Variants in TMCC3 observed in about 807,000 individuals in gnomAD.
The protein encoded by TMCC3 is transmembrane and coiled-coil domain family 3, also known as transmembrane and coiled-coil domain protein 3.
In TMCC3, 28 loss-of-function variants were observed where a neutral mutation model predicts 40.2. The observed-to-expected ratio is 0.70, with a 90% CI of 0.52 to 0.95. The LOEUF (loss-of-function observed/expected upper bound fraction) is 0.95. TMCC3 is among the 40% of genes least tolerant of loss of function. The probability of loss-of-function intolerance (pLI) is 0.00; values close to 1 mark genes in which losing one functional copy is unlikely to be tolerated. For missense variants in TMCC3, 554 were observed against 615.2 expected, an observed-to-expected ratio of 0.90 and a Z score of 1.05; for synonymous variants, 255 against 248.5, an observed-to-expected ratio of 1.03 and a Z score of -0.25.
rs1275911050 is a variant in TMCC3, at chr12:94,582,320, T to TA, written c.296dup (p.Val100SerfsTer17). 1 of 1,614,082 alleles carries TA rather than the reference T, an allele frequency of 6.2e-7. No individual in the cohort carries two copies. Among genetic ancestry groups the TA allele is most frequent in the South Asian group, 1.1e-5 (1 of 91,080 alleles). On this transcript the variant is annotated frameshift_variant, in exon 2 of 4. Coordinates refer to ENST00000261226, the MANE Select transcript of TMCC3 (RefSeq NM_020698.4). LOFTEE classifies it high-confidence loss of function. The stretch of plus-strand genomic sequence containing the variant: ...CCTGCTGCTTGTCTGCGTTGTTCAC[T>TA]AGTTTCAGATACTCCGCAACATTCC...
At chr12:94,585,351 A>G (rs922351757) in intron 1 of TMCC3, among the ~76,000 whole-genome samples, 3 of 152,132 alleles carry the variant, frequency 2.0e-5, no homozygotes, top group African/African-American at 7.2e-5. Flanking sequence ...GATATTCACA[A>G]TGCCTGCCAC....
chr12:94,644,505 T>G (rs934594957), intron 1 of TMCC3: 3 of 914,774 alleles, frequency 3.3e-6, no homozygotes, highest in Non-Finnish European at 3.9e-6. Flanking sequence ...GACAGGCGGG[T>G]GAGCTGGTGG....
intron 2 of TMCC3, among the ~76,000 whole-genome samples, chr12:94,581,303 C>G (rs1421339127): frequency 1.3e-5 from 2 of 152,080 alleles, no homozygotes; most frequent in Non-Finnish European, 2.9e-5. Flanking sequence ...TGCTGACACT[C>G]CAAAAGTTTC....
intron 1 of TMCC3, among the ~76,000 whole-genome samples, chr12:94,633,145 T>C (rs1379046570): frequency 6.6e-6 from 1 of 152,038 alleles, no homozygotes; most frequent in African/African-American, 2.4e-5. Context: ...AAAAATTGTA[T>C]TTACAAGAGA....
intron 1 of TMCC3, among the ~76,000 whole-genome samples, chr12:94,636,639 T>C (rs2651977): frequency 0.56 from 84,560 of 152,126 alleles, 23,708 homozygotes; most frequent in Middle Eastern, 0.58. Context: ...AGTGCCTAGG[T>C]GGGCCTAAAC....
intron 1 of TMCC3, among the ~76,000 whole-genome samples, chr12:94,624,796 A>T (rs1357268870): frequency 6.6e-6 from 1 of 151,976 alleles, no homozygotes; most frequent in Non-Finnish European, 1.5e-5. Flanking sequence ...CTTTTAAGAG[A>T]GGGGGAAATG....
At chr12:94,622,178 C>G (rs541997245) in intron 1 of TMCC3, among the ~76,000 whole-genome samples, 1 of 152,256 alleles carries the variant, frequency 6.6e-6, no homozygotes, top group South Asian at 2.1e-4. Flanking sequence ...GAGAGGAGTA[C>G]TCCACACCCA....
At position 94,581,802 on chromosome 12, in the gene TMCC3, G is replaced by C. The variant is rs540966248; in HGVS notation, c.815C>G (p.Ser272Trp). 1 of 1,614,062 alleles carries C rather than the reference G, an allele frequency of 6.2e-7. No individual in the cohort carries two copies. Among genetic ancestry groups the C allele is most frequent in the Non-Finnish European group, 8.5e-7 (1 of 1,179,962 alleles). The change falls in exon 2 of 4, where the codon TCG (serine) becomes TGG (tryptophan). Residue 272 changes from serine to tryptophan, a missense_variant. Ser to Trp is a radical substitution (Grantham distance 177, BLOSUM62 -3). Coordinates refer to ENST00000261226, the MANE Select transcript of TMCC3 (RefSeq NM_020698.4). ...TGTGCTGGCTCCACCAGCCCCAAAC[G>C]ACTGGTTTCCGTTACTGTCGGCCGA... ...SGSADSNGNQ[S>W]FGAGGASTLD...
chr12:94,650,250 G>T (rs2069048353), intron 1 of TMCC3, 103 bp downstream of exon 1: 2 of 702,954 alleles, frequency 2.8e-6, no homozygotes, highest in Non-Finnish European at 1.9e-6. Context: ...GGAGGGCGGC[G>T]GCGAAACGCC....
intron 1 of TMCC3, among the ~76,000 whole-genome samples, chr12:94,582,965 C>CTCTTTTTT (rs2068614570): frequency 1.7e-5 from 1 of 59,946 alleles, no homozygotes; most frequent in African/African-American, 9.9e-5. Context: ...GAAGGAGAAT[C>CTCTTTTTT]TTTTTTTTTT....
intron 1 of TMCC3, among the ~76,000 whole-genome samples, chr12:94,588,546 G>A (rs1190806132): frequency 6.6e-6 from 1 of 152,198 alleles, no homozygotes; most frequent in Non-Finnish European, 1.5e-5. Flanking sequence ...TCCTTCAAAT[G>A]GGCTGGCATT....
At chr12:94,627,607 C>T (rs556440140) in intron 1 of TMCC3, among the ~76,000 whole-genome samples, 74 of 152,356 alleles carry the variant, frequency 4.9e-4, no homozygotes, top group South Asian at 8.3e-4. Context: ...ACACAACAGG[C>T]ACACTGCTTT....
In TMCC3 at chr12:94,578,414, C is replaced by T. The variant is rs2068580326; in HGVS notation, c.1111G>A (p.Glu371Lys). The change falls in exon 3 of 4, where the codon GAG becomes AAG. Residue 371 changes from glutamate (E) to lysine (K), a missense_variant. Glu to Lys is a moderately conservative substitution (Grantham distance 56). Transcript: ENST00000261226. ...IEEKVAYQAY[E>K]RSRDIQEALE... ...GGTACCTGGATGTCCCGCGAGCGCTCGTAGGCCTGGTAGGCCACCTTCTCC... is the reference window on the plus strand; with the variant it reads ...GGTACCTGGATGTCCCGCGAGCGCTTGTAGGCCTGGTAGGCCACCTTCTCC... 1.2e-6 allele frequency: 2 copies of T among 1,613,992 alleles called. No individual in the cohort carries two copies. The highest frequency in any genetic ancestry group is 1.7e-6 in the Non-Finnish European group (2 of 1,179,930).
intron 1 of TMCC3, among the ~76,000 whole-genome samples, chr12:94,618,182 CT>C (rs1374947157): frequency 6.6e-6 from 1 of 152,200 alleles, no homozygotes; most frequent in Non-Finnish European, 1.5e-5. Context: ...GTTCATTTTT[CT>C]TCAGCGTTTG....
At chr12:94,618,683 G>A (rs913471282) in intron 1 of TMCC3, among the ~76,000 whole-genome samples, 2 of 152,170 alleles carry the variant, frequency 1.3e-5, no homozygotes, top group African/African-American at 4.8e-5. Flanking sequence ...GCTCACATAT[G>A]TAGTCTGAAC....
chr12:94,573,768 C>T (rs886357471), intron 3 of TMCC3, among the ~76,000 whole-genome samples: 1 of 152,230 alleles, frequency 6.6e-6, no homozygotes, highest in Non-Finnish European at 1.5e-5. Flanking sequence ...ACAGACTCAC[C>T]TCAGGGCTTC....
rs573422329 is a variant in TMCC3, at chr12:94,582,083, G to A, written c.534C>T (p.Pro178=). The change falls in exon 2 of 4, where the codon CCC becomes CCT. Residue 178 remains proline, a synonymous_variant. Transcript: ENST00000261226. ...KDAHVKSRTA[P]HCMESSKSGM... ...CCGATTTGCTGCTCTCCATGCAATGGGGGGCAGTTCGAGATTTCACGTGGG... is the reference window on the plus strand; with the variant it reads ...CCGATTTGCTGCTCTCCATGCAATGAGGGGCAGTTCGAGATTTCACGTGGG... 3 of 1,614,048 alleles carry A rather than the reference G, an allele frequency of 1.9e-6. No homozygotes were observed. The highest frequency in any genetic ancestry group is 2.2e-5 in the East Asian group (1 of 44,898).
chr12:94,583,109 CA>C (rs2068616831), intron 1 of TMCC3, among the ~76,000 whole-genome samples: 1 of 142,390 alleles, frequency 7.0e-6, no homozygotes, highest in Non-Finnish European at 1.5e-5. Flanking sequence ...TAATATGGTA[CA>C]AGATTAACTT....
rs1269829262 is a variant in TMCC3 at position 94,650,494 on chromosome 12, T to C, written c.-64A>G. On this transcript the variant is annotated 5_prime_UTR_variant, in exon 1 of 4. Coordinates refer to ENST00000261226, the MANE Select transcript of TMCC3 (RefSeq NM_020698.4). Reference sequence around the variant, plus strand: ...CTGCCGCGCCGCGAGCCACCGGCTGTGCTCGGGATCACCCTGGGAGCCGCG... The same window carrying C: ...CTGCCGCGCCGCGAGCCACCGGCTGCGCTCGGGATCACCCTGGGAGCCGCG... The C allele has an allele frequency of 4.2e-6, 5 of 1,186,038 alleles. No individual in the cohort carries two copies. The highest frequency in any genetic ancestry group is 5.3e-6 in the Non-Finnish European group (5 of 947,814). 73.5% of individuals were successfully genotyped at this position (1,186,038 alleles called of 1,614,324 possible). A position where few individuals can be genotyped will look rare whatever the true frequency, so the allele number is the denominator to read the frequency against.
Sources: gnomAD v4.1 joint callset for allele counts (sites outside exome capture counted in the v4.1 genomes callset) on GRCh38, gnomAD v4.1.1 for gene constraint, MANE v1.5 for transcripts, NCBI Gene and HGNC (gene_info 2026-07-23, HGNC 2026-07-21) for gene names.